The following SNX29 variants were observed in gnomAD, a reference collection of about 807,000 sequenced individuals.
SNX29 encodes sorting nexin-29.
Under a neutral mutation model 102.1 loss-of-function variants are expected in SNX29, and 78 were observed. The observed-to-expected ratio is 0.76, with a 90% CI of 0.64 to 0.92. The LOEUF is 0.92. Among genes scored for constraint, SNX29 ranks in the 40% least tolerant of loss-of-function variants. The pLI is 0.00. For missense variants in SNX29, 1,280 were observed against 1,061.7 expected, an observed-to-expected ratio of 1.21 and a Z score of -2.86; for synonymous variants, 580 against 414.5, an observed-to-expected ratio of 1.40 and a Z score of -4.85.
chr16:12,006,332 G>A (rs1225951866), intron 3 of SNX29, among the ~76,000 whole-genome samples: 6 of 151,452 alleles, frequency 4.0e-5, no homozygotes, highest in Admixed American at 2.6e-4. Context: ...CCTGACCAAC[G>A]TGGAGAAACC....
Position 12,488,161 on chromosome 16 carries a change from T to A in SNX29, c.2178+10302T>A, listed in dbSNP as rs372859415. ...TAAGAAAAAAAATTAAGGTCATTTA[T>A]AGACAAAAGAATCCAGAGCCAGCCA... On this transcript the variant is annotated intron_variant, in intron 19 of 20. Transcript: ENST00000566228. Among the ~76,000 whole-genome samples, 10 of 152,274 alleles carry A rather than the reference T, an allele frequency of 6.6e-5. No individual in the cohort carries two copies. In the South Asian group the frequency reaches 8.3e-4, roughly 13 times the overall value.
intron 16 of SNX29, among the ~76,000 whole-genome samples, chr16:12,366,692 C>T: frequency 6.6e-6 from 1 of 152,220 alleles, no homozygotes; most frequent in Admixed American, 6.5e-5. Context: ...TGCATTTTCT[C>T]CCACTCTCTC....
At chr16:12,555,848 C>G (rs973593510) in intron 20 of SNX29, among the ~76,000 whole-genome samples, 4 of 152,222 alleles carry the variant, frequency 2.6e-5, no homozygotes, top group African/African-American at 7.2e-5. Flanking sequence ...ACCCCCCTCA[C>G]CACCTCCATC....
In SNX29 at chr16:12,098,559, G is replaced by T. The variant is rs1309754941; in HGVS notation, c.1402+19644G>T. Among the ~76,000 whole-genome samples the T allele has an allele frequency of 6.6e-6, 1 of 152,140 alleles. No homozygotes were observed. Among genetic ancestry groups the T allele is most frequent in the Admixed American group, 6.6e-5 (1 of 15,260 alleles). On this transcript the variant is annotated intron_variant, in intron 11 of 20. Transcript: ENST00000566228. The surrounding 1 kb of genome is among the most constrained non-coding windows in gnomAD (Gnocchi z 6.0). ...CACCGTCGGTTTCATGTGCGCAGAC[G>T]ATTCAGTTTCATGCGCGCCCGATTC...
intron 19 of SNX29, among the ~76,000 whole-genome samples, chr16:12,496,758 G>A (rs28687079): frequency 0.2 from 30,932 of 151,954 alleles, 3,492 homozygotes; most frequent in South Asian, 0.39. Context: ...TGATCCGCCC[G>A]CCTCGGCCTT....
chr16:12,494,542 G>C (rs989367666), intron 19 of SNX29, among the ~76,000 whole-genome samples: 2 of 152,100 alleles, frequency 1.3e-5, no homozygotes, highest in African/African-American at 2.4e-5. Context: ...CCAAAACGGG[G>C]TCCAGCAAGC....
chr16:12,331,265 G>A (rs1423310221), intron 15 of SNX29, among the ~76,000 whole-genome samples: 1 of 152,180 alleles, frequency 6.6e-6, no homozygotes, highest in Admixed American at 6.5e-5. Context: ...GAGATTTACA[G>A]GACAGAGCCT....
At chr16:12,199,140 A>T (rs1036456862) in intron 13 of SNX29, among the ~76,000 whole-genome samples, 2 of 152,214 alleles carry the variant, frequency 1.3e-5, no homozygotes, top group Non-Finnish European at 2.9e-5. Context: ...TTCTATACAG[A>T]CACTTGACAT....
Position 12,229,462 on chromosome 16 carries a change from G to T in SNX29, c.1678+29779G>T, listed in dbSNP as rs550655021. Among the ~76,000 whole-genome samples the T allele has an allele frequency of 2.0e-5, 3 of 152,334 alleles. No homozygotes were observed. The East Asian group carries it at 5.8e-4, about 29-fold the overall frequency. On this transcript the variant is annotated intron_variant, in intron 14 of 20. Transcript: ENST00000566228. ...TCATCTCCCTGATGTCAAATGGCCA[G>T]TTGGACCCAGCATGAGTTTTTGCCA...
intron 15 of SNX29, among the ~76,000 whole-genome samples, chr16:12,287,429 A>G (rs1243443445): frequency 1.3e-5 from 2 of 152,142 alleles, no homozygotes; most frequent in Non-Finnish European, 2.9e-5. Flanking sequence ...AGCATAAAGA[A>G]CTTCCATATA....
chr16:12,328,443 A>G (rs2081188779), intron 15 of SNX29, among the ~76,000 whole-genome samples: 1 of 152,312 alleles, frequency 6.6e-6, no homozygotes, highest in South Asian at 2.1e-4. Context: ...AATATTTTTC[A>G]CAGTGTTAAC....
At chr16:12,332,276 G>A (rs991775015) in intron 15 of SNX29, among the ~76,000 whole-genome samples, 2 of 152,158 alleles carry the variant, frequency 1.3e-5, no homozygotes, top group African/African-American at 4.8e-5. Context: ...ACGGGCATAT[G>A]CATGCACAAG....
chr16:12,210,298 A>C (rs1193118875), intron 14 of SNX29, among the ~76,000 whole-genome samples: 12 of 145,628 alleles, frequency 8.2e-5, no homozygotes, highest in African/African-American at 3.0e-4. Flanking sequence ...CTCGTTTTGC[A>C]CTCAAGGGAC....
At chr16:12,389,025 A>G (rs1479107941) in intron 16 of SNX29, among the ~76,000 whole-genome samples, 2 of 152,172 alleles carry the variant, frequency 1.3e-5, no homozygotes, top group African/African-American at 4.8e-5. Flanking sequence ...TCTCAGTGCT[A>G]TTAAATACTG....
intron 15 of SNX29, among the ~76,000 whole-genome samples, chr16:12,292,285 T>A (rs1344089065): frequency 6.6e-6 from 1 of 152,216 alleles, no homozygotes; most frequent in Non-Finnish European, 1.5e-5. Context: ...AGTTCCTTTT[T>A]TAGCACTGTT....
At chr16:12,177,027 A>C (rs1209704416) in intron 13 of SNX29, among the ~76,000 whole-genome samples, 2 of 152,000 alleles carry the variant, frequency 1.3e-5, no homozygotes, top group African/African-American at 4.8e-5. Flanking sequence ...AGCTTACTGT[A>C]GCTTCCAACT....
intron 13 of SNX29, among the ~76,000 whole-genome samples, chr16:12,148,082 T>G (rs536013256): frequency 6.6e-6 from 1 of 152,200 alleles, no homozygotes; most frequent in Non-Finnish European, 1.5e-5. Context: ...CTGCTGCTGC[T>G]CAGCTCCAGC....
At chr16:12,463,303 T>G (rs2086895332) in intron 18 of SNX29, among the ~76,000 whole-genome samples, 1 of 152,152 alleles carries the variant, frequency 6.6e-6, no homozygotes, top group African/African-American at 2.4e-5. Context: ...TCTGTATTAG[T>G]CGGTTTTCAT....
intron 3 of SNX29, among the ~76,000 whole-genome samples, chr16:12,006,445 G>C (rs1227848549): frequency 6.6e-6 from 1 of 151,450 alleles, no homozygotes; most frequent in African/African-American, 2.4e-5. Context: ...GAACCCAGGA[G>C]GCGGAGGTTT....
Sources: gnomAD v4.1 joint callset for allele counts (sites outside exome capture counted in the v4.1 genomes callset) on GRCh38, gnomAD v4.1.1 for gene constraint, Gnocchi (gnomAD v3.1) non-coding constraint, MANE v1.5 for transcripts, NCBI Gene and HGNC (gene_info 2026-07-23, HGNC 2026-07-21) for gene names.